The following ESRRG variants were observed in gnomAD, a reference collection of about 807,000 sequenced individuals.
ESRRG encodes the protein estrogen-related receptor gamma.
ESRRG carries 13 observed loss-of-function variants against 44.0 expected under a neutral mutation model. The observed-to-expected ratio is 0.30, with a 90% CI of 0.19 to 0.47. The LOEUF is 0.47. Among genes scored for constraint, ESRRG ranks in the 20% least tolerant of loss-of-function variants. The pLI is 1.00. For synonymous variants in ESRRG, 215 were observed against 214.6 expected, an observed-to-expected ratio of 1.00 and a Z score of -0.02; for missense variants, 395 against 580.6, an observed-to-expected ratio of 0.68 and a Z score of 3.29.
At chr1:216,835,773 G>A (rs1321741734) in intron 2 of ESRRG, among the ~76,000 whole-genome samples, 1 of 152,198 alleles carries the variant, frequency 6.6e-6, no homozygotes, top group Non-Finnish European at 1.5e-5. Context: ...AGGAACGGGA[G>A]TCAGGTCAAA....
chr1:216,897,527 C>T (rs370317172), intron 2 of ESRRG, among the ~76,000 whole-genome samples: 28 of 152,142 alleles, frequency 1.8e-4, no homozygotes, highest in African/African-American at 6.5e-4. Flanking sequence ...AACAGACTTA[C>T]AACCCATTTA....
chr1:216,895,838 G>A (rs2058354487), intron 2 of ESRRG, among the ~76,000 whole-genome samples: 1 of 152,130 alleles, frequency 6.6e-6, no homozygotes, highest in South Asian at 2.1e-4. Context: ...TTAACAAGTG[G>A]CAGCATTCCC....
At chr1:216,520,719 C>A (rs1360523676) in intron 5 of ESRRG, among the ~76,000 whole-genome samples, 3 of 152,110 alleles carry the variant, frequency 2.0e-5, no homozygotes, top group Non-Finnish European at 4.4e-5. Context: ...CATTTAAGGT[C>A]CTGCCACCAG....
chr1:216,600,796 G>A (rs1180087921), intron 3 of ESRRG, among the ~76,000 whole-genome samples: 1 of 152,194 alleles, frequency 6.6e-6, no homozygotes, highest in Non-Finnish European at 1.5e-5. Flanking sequence ...GTAATTCCGT[G>A]TTTTGAAATG....
intron 3 of ESRRG, among the ~76,000 whole-genome samples, chr1:216,584,165 T>C (rs978644540): frequency 6.6e-6 from 1 of 152,158 alleles, no homozygotes; most frequent in African/African-American, 2.4e-5. Context: ...TGTATATACA[T>C]ATAGGGCTTA....
chr1:216,819,046 C>T (rs894497235), intron 2 of ESRRG, among the ~76,000 whole-genome samples: 6 of 152,114 alleles, frequency 3.9e-5, no homozygotes, highest in Admixed American at 2.6e-4. Context: ...CATGTCTTTG[C>T]TATTGTGAAT....
chr1:216,869,280 TC>T (rs1420466844), intron 2 of ESRRG, among the ~76,000 whole-genome samples: 5 of 152,132 alleles, frequency 3.3e-5, no homozygotes, highest in African/African-American at 1.2e-4. Context: ...TTTAACTTTT[TC>T]CCCCTGTTGA....
At chr1:216,754,748 G>A (rs2092339722) in intron 2 of ESRRG, among the ~76,000 whole-genome samples, 1 of 142,216 alleles carries the variant, frequency 7.0e-6, no homozygotes. Flanking sequence ...GTTGCGTGTT[G>A]CGTAAAAGAT....
chr1:216,710,443 C>CT (rs1553527103), intron 1 of ESRRG, among the ~76,000 whole-genome samples: 3 of 152,060 alleles, frequency 2.0e-5, no homozygotes, highest in Non-Finnish European at 4.4e-5. Flanking sequence ...TGCCACTAAA[C>CT]AAAAAAAGGC....
At chr1:216,622,303 C>A (rs140543280) in intron 3 of ESRRG, among the ~76,000 whole-genome samples, 3 of 152,296 alleles carry the variant, frequency 2.0e-5, no homozygotes, top group East Asian at 1.9e-4. Context: ...AATTTCACTT[C>A]CAAAGGACTG....
At chr1:216,542,208 G>A (rs2053103849) in intron 5 of ESRRG, among the ~76,000 whole-genome samples, 1 of 151,594 alleles carries the variant, frequency 6.6e-6, no homozygotes, top group South Asian at 2.1e-4. Flanking sequence ...CTCACATCCT[G>A]TTGAATTCCA....
At chr1:216,878,309 C>T (rs1378400058) in intron 2 of ESRRG, among the ~76,000 whole-genome samples, 2 of 152,174 alleles carry the variant, frequency 1.3e-5, no homozygotes, top group South Asian at 2.1e-4. Context: ...TCTTTTTATA[C>T]ACTAGATACT....
intron 2 of ESRRG, among the ~76,000 whole-genome samples, chr1:216,884,266 C>T: frequency 6.6e-6 from 1 of 152,000 alleles, no homozygotes; most frequent in Non-Finnish European, 1.5e-5. Flanking sequence ...GATATATTTG[C>T]AAAAAAGACT....
chr1:216,898,128 A>G (rs2058636288), intron 2 of ESRRG, among the ~76,000 whole-genome samples: 1 of 152,168 alleles, frequency 6.6e-6, no homozygotes, highest in Admixed American at 6.5e-5. Flanking sequence ...AATCAGAAAG[A>G]TCTGATTTTA....
At chr1:216,707,390 A>C in intron 1 of ESRRG, 1 of 1,536,014 alleles carries the variant, frequency 6.5e-7, no homozygotes, top group Non-Finnish European at 8.7e-7. Flanking sequence ...GCCAGATCAG[A>C]CTTGACTGCT....
intron 2 of ESRRG, among the ~76,000 whole-genome samples, chr1:216,905,174 C>A (rs1048887202): frequency 4.6e-5 from 7 of 152,112 alleles, no homozygotes; most frequent in Non-Finnish European, 1.0e-4. Flanking sequence ...CTCCGGCTGC[C>A]CATCACACAC....
At chr1:216,966,769 T>C (rs1343382094) in intron 1 of ESRRG, among the ~76,000 whole-genome samples, 1 of 152,120 alleles carries the variant, frequency 6.6e-6, no homozygotes, top group Admixed American at 6.6e-5. Flanking sequence ...AAATTCCACA[T>C]TGCAAATTCC....
chr1:216,865,206 A>AAAAAAAAAAAAAAAAC, intron 2 of ESRRG: 1 of 149,676 alleles, frequency 6.7e-6, no homozygotes, highest in Non-Finnish European at 1.5e-5. Flanking sequence ...AAAAAAAAAA[A>AAAAAAAAAAAAAAAAC]AAAAAAAAAA....
intron 1 of ESRRG, among the ~76,000 whole-genome samples, chr1:216,698,211 T>G: frequency 6.6e-6 from 1 of 152,186 alleles, no homozygotes; most frequent in East Asian, 1.9e-4. Flanking sequence ...AGCTAACTAG[T>G]TAGATGTATA....
Sources: allele counts gnomAD v4.1 joint callset (sites outside exome capture counted in the v4.1 genomes callset), GRCh38; gene constraint gnomAD v4.1.1; transcripts MANE v1.5; gene names NCBI Gene and HGNC (gene_info 2026-07-23, HGNC 2026-07-21).